Variants in MGAT5 observed in about 807,000 individuals in gnomAD.
MGAT5 encodes alpha-1,6-mannosylglycoprotein 6-beta-N-acetylglucosaminyltransferase A.
Under a neutral mutation model 94.3 loss-of-function variants are expected in MGAT5, and 30 were observed. The observed-to-expected ratio is 0.32, with a 90% CI of 0.24 to 0.43. The LOEUF (loss-of-function observed/expected upper bound fraction) is 0.43. Among genes scored for constraint, MGAT5 ranks in the 20% least tolerant of loss-of-function variants. The pLI, the probability that MGAT5 is intolerant of heterozygous loss-of-function variation, is 1.00. For missense variants in MGAT5, 691 were observed against 905.5 expected (o/e 0.76, Z 3.04); for synonymous variants, 310 against 322.9 (o/e 0.96, Z 0.43).
chr2:134,343,853 G>A (rs1688770013), intron 7 of MGAT5, among the ~76,000 whole-genome samples: 1 of 152,154 alleles, frequency 6.6e-6, no homozygotes, highest in African/African-American at 2.4e-5. Flanking sequence ...TCCACAACGG[G>A]AGAATGGGCC....
intron 1 of MGAT5, among the ~76,000 whole-genome samples, chr2:134,265,072 A>C (rs1410544288): frequency 6.6e-6 from 1 of 152,206 alleles, no homozygotes; most frequent in Non-Finnish European, 1.5e-5. Context: ...CAACCTGGTA[A>C]CTGACTGCAC....
intron 1 of MGAT5, among the ~76,000 whole-genome samples, chr2:134,132,714 A>G (rs1214552843): frequency 6.6e-6 from 1 of 152,226 alleles, no homozygotes; most frequent in East Asian, 1.9e-4. Context: ...TTTGCACTGA[A>G]TGGATTTCAT....
intron 10 of MGAT5, among the ~76,000 whole-genome samples, chr2:134,393,727 A>G (rs765939628): frequency 1.5e-4 from 23 of 152,272 alleles, no homozygotes; most frequent in Non-Finnish European, 2.9e-4. Flanking sequence ...TAAATTAAGC[A>G]CTGAGTGAAA....
chr2:134,376,796 T>A lies in MGAT5; in HGVS notation c.1380+14388T>A, dbSNP rs192276356. ...TTATATTTTGTGACAGTGTGCTGGC[T>A]TCTGTAGGACCGTGATCCAAGGATA... On this transcript the variant is annotated intron_variant, in intron 10 of 15. Coordinates refer to ENST00000281923, the MANE Select transcript of MGAT5 (RefSeq NM_002410.5). Among the ~76,000 whole-genome samples, 9 of 152,312 alleles carry A rather than the reference T, an allele frequency of 5.9e-5. No homozygotes were observed. The East Asian group carries it at 1.2e-3, about 20-fold the overall frequency.
intron 2 of MGAT5, among the ~76,000 whole-genome samples, chr2:134,277,841 A>G (rs1684469381): frequency 6.6e-6 from 1 of 152,260 alleles, no homozygotes; most frequent in South Asian, 2.1e-4. Flanking sequence ...TTTTGTATAT[A>G]GTGTTTCACT....
chr2:134,354,261 A>G (rs1679578090), intron 9 of MGAT5, among the ~76,000 whole-genome samples: 1 of 152,158 alleles, frequency 6.6e-6, no homozygotes, highest in African/African-American at 2.4e-5. Context: ...ATTGTGTTCT[A>G]CTGATGGAAT....
At chr2:134,130,437 T>C (rs1357082187) in intron 1 of MGAT5, among the ~76,000 whole-genome samples, 2 of 152,262 alleles carry the variant, frequency 1.3e-5, no homozygotes, top group African/African-American at 2.4e-5. Context: ...CCTGCGGCCC[T>C]GGCACAGATC....
At chr2:134,421,690 T>C (rs540516016) in intron 12 of MGAT5, among the ~76,000 whole-genome samples, 1 of 152,288 alleles carries the variant, frequency 6.6e-6, no homozygotes, top group East Asian at 1.9e-4. Flanking sequence ...AGGACTGTCC[T>C]TGGACATTGT....
intron 1 of MGAT5, among the ~76,000 whole-genome samples, chr2:134,265,027 G>A (rs928332877): frequency 8.5e-5 from 13 of 152,324 alleles, no homozygotes; most frequent in Admixed American, 2.0e-4. Flanking sequence ...ATCCTTGACG[G>A]ACTCTGCAGA....
At chr2:134,290,219 A>G (rs1031202743) in intron 2 of MGAT5, among the ~76,000 whole-genome samples, 18 of 152,208 alleles carry the variant, frequency 1.2e-4, no homozygotes, top group African/African-American at 4.3e-4. Flanking sequence ...AGCTGCTTCT[A>G]CCAACTTGAT....
chr2:134,161,654 C>G (rs1040419822), intron 1 of MGAT5, among the ~76,000 whole-genome samples: 29 of 152,218 alleles, frequency 1.9e-4, no homozygotes, highest in Non-Finnish European at 3.2e-4. Flanking sequence ...AGGGTGTGAT[C>G]TTGGCTGGGG....
At chr2:134,270,311 C>T (rs1488450185) in intron 1 of MGAT5, 75 bp from the exon 2 acceptor site, 13 of 1,404,502 alleles carry the variant, frequency 9.3e-6, no homozygotes, top group Non-Finnish European at 7.8e-6. Context: ...TTGTTCTCCA[C>T]GATAAAGAGA....
intron 1 of MGAT5, among the ~76,000 whole-genome samples, chr2:134,144,785 C>T (rs1686833159): frequency 1.3e-5 from 2 of 152,154 alleles, no homozygotes; most frequent in African/African-American, 2.4e-5. Context: ...GGACCAAAAT[C>T]ATTTTGGAAG....
At chr2:134,174,743 A>AT (rs1014750880) in intron 1 of MGAT5, among the ~76,000 whole-genome samples, 46 of 152,260 alleles carry the variant, frequency 3.0e-4, no homozygotes, top group African/African-American at 1.0e-3. Context: ...TTGGTCAGTC[A>AT]TATCTTATAA....
chr2:134,177,593 A>G (rs966321692), intron 1 of MGAT5, among the ~76,000 whole-genome samples: 5 of 152,230 alleles, frequency 3.3e-5, no homozygotes, highest in African/African-American at 1.2e-4. Flanking sequence ...TTCACTGATC[A>G]GAATCTTACT....
chr2:134,337,469 C>G (rs570870778), intron 5 of MGAT5, among the ~76,000 whole-genome samples: 158 of 152,166 alleles, frequency 1.0e-3, no homozygotes, highest in African/African-American at 3.7e-3. Flanking sequence ...GTGTGAGACC[C>G]TATCTCAAAG....
At chr2:134,216,890 C>G (rs1417916283) in intron 1 of MGAT5, among the ~76,000 whole-genome samples, 1 of 152,144 alleles carries the variant, frequency 6.6e-6, no homozygotes, top group African/African-American at 2.4e-5. Context: ...GCGCTCTAGT[C>G]TGCACATGAC....
chr2:134,394,570 A>G (rs547564264), intron 10 of MGAT5, among the ~76,000 whole-genome samples: 25 of 152,328 alleles, frequency 1.6e-4, no homozygotes, highest in Middle Eastern at 3.4e-3. Flanking sequence ...CAAGAAATAC[A>G]CTAAAATGAT....
intron 12 of MGAT5, among the ~76,000 whole-genome samples, chr2:134,419,442 T>TTGTGTGTGTGTG (rs56181696): frequency 0.022 from 2,909 of 134,156 alleles, 53 homozygotes; most frequent in East Asian, 0.046. Context: ...GCTTCAGGGT[T>TTGTGTGTGTGTG]TGTGTGTGTG....
Sources: allele counts gnomAD v4.1 joint callset (sites outside exome capture counted in the v4.1 genomes callset), GRCh38; gene constraint gnomAD v4.1.1; transcripts MANE v1.5; gene names NCBI Gene and HGNC (gene_info 2026-07-23, HGNC 2026-07-21).